The following ANO5 variants were observed in gnomAD, a reference collection of about 807,000 sequenced individuals.
ANO5 encodes the protein anoctamin-5.
In ANO5, 109 loss-of-function variants were observed where a neutral mutation model predicts 121.0. The observed-to-expected ratio is 0.90, with a 90% CI of 0.77 to 1.06. The LOEUF is 1.06. Ranked by LOEUF, ANO5 falls within the 50% of genes least tolerant of loss-of-function variation. The pLI is 0.00. For synonymous variants in ANO5, 406 were observed against 359.9 expected (o/e 1.13, Z -1.45); for missense variants, 1,064 against 1,078.5 (o/e 0.99, Z 0.19).
chr11:22,228,978 C>T (rs976780287), intron 7 of ANO5, among the ~76,000 whole-genome samples: 3 of 151,840 alleles, frequency 2.0e-5, no homozygotes, highest in Non-Finnish European at 2.9e-5. Flanking sequence ...TGATTTCATT[C>T]CCTTTAGGCA....
intron 16 of ANO5, 58 bp downstream of exon 16, chr11:22,262,356 T>C (rs1854218241): frequency 5.7e-6 from 9 of 1,569,298 alleles, no homozygotes; most frequent in African/African-American, 2.7e-5. Context: ...ATTAACAACT[T>C]TCTGTGTGTC....
In ANO5 at chr11:22,281,901, T is replaced by C. The variant is rs1855094358; in HGVS notation, c.*2136T>C. The C allele has an allele frequency of 6.6e-6, 1 of 152,164 alleles. No homozygotes were observed. The allele number at this position is 152,164 out of a possible 1,614,324, so 9.4% of individuals were successfully genotyped here. On this transcript the variant is annotated 3_prime_UTR_variant, in exon 22 of 22. Coordinates refer to ENST00000324559, the MANE Select transcript of ANO5 (RefSeq NM_213599.3). ...CCATGGATTGATAAATATTTTCCTT[T>C]TAAAATGTTATGGACTGATATTTTT...
At chr11:22,232,236 G>T (rs559935158) in intron 7 of ANO5, among the ~76,000 whole-genome samples, 5 of 151,884 alleles carry the variant, frequency 3.3e-5, no homozygotes, top group Non-Finnish European at 7.4e-5. Flanking sequence ...ATTTATTTGT[G>T]TATGTGTCAT....
rs11026488 is a variant in ANO5, at chr11:22,276,224, G to A, written c.2520+25G>A. On this transcript the variant is annotated intron_variant, in intron 21 of 21. Coordinates refer to ENST00000324559, the MANE Select transcript of ANO5 (RefSeq NM_213599.3). Reference sequence around the variant, plus strand: ...AGTAAGCTGTTCTTAACTTTCATTCGAGTTACTCTCTTCTCTCTTTAGGCA... The same window carrying A: ...AGTAAGCTGTTCTTAACTTTCATTCAAGTTACTCTCTTCTCTCTTTAGGCA... The A allele has an allele frequency of 2.3e-5, 36 of 1,541,054 alleles. No homozygotes were observed. The South Asian group carries it at 2.6e-4, about 11-fold the overall frequency.
intron 1 of ANO5, among the ~76,000 whole-genome samples, chr11:22,201,027 A>T (rs1029591978): frequency 3.3e-5 from 5 of 152,214 alleles, no homozygotes; most frequent in African/African-American, 1.2e-4. Context: ...GTATTTGCAT[A>T]TAACCTATGC....
At chr11:22,197,519 T>C (rs962178940) in intron 1 of ANO5, among the ~76,000 whole-genome samples, 2 of 152,182 alleles carry the variant, frequency 1.3e-5, no homozygotes, top group African/African-American at 4.8e-5. Flanking sequence ...AGATTAAAAC[T>C]TGAACGTTAG....
chr11:22,274,163 TACACACACAC>T (rs34022294), intron 19 of ANO5, among the ~76,000 whole-genome samples: 4 of 143,748 alleles, frequency 2.8e-5, no homozygotes, highest in East Asian at 2.0e-4. Flanking sequence ...GTTAATCTCT[TACACACACAC>T]ACACACACAC....
chr11:22,273,211 GAC>G (rs1048030388), intron 19 of ANO5, among the ~76,000 whole-genome samples: 5 of 152,238 alleles, frequency 3.3e-5, no homozygotes, highest in East Asian at 1.9e-4. Flanking sequence ...GAAGTATCAT[GAC>G]ACAGTTTCAC....
intron 4 of ANO5, 131 bp from the exon 5 acceptor site, chr11:22,220,964 CAA>C: frequency 1.5e-6 from 1 of 670,326 alleles, no homozygotes; most frequent in East Asian, 2.8e-5. Context: ...CTTTATAAAA[CAA>C]AGCATAATCT....
At chr11:22,235,056 G>A (rs1171477218) in intron 7 of ANO5, among the ~76,000 whole-genome samples, 1 of 152,090 alleles carries the variant, frequency 6.6e-6, no homozygotes, top group African/African-American at 2.4e-5. Context: ...CATTTCAGAT[G>A]TTTGCAGATC....
chr11:22,207,243 G>A (rs1852148460), intron 2 of ANO5, among the ~76,000 whole-genome samples: 1 of 151,954 alleles, frequency 6.6e-6, no homozygotes, highest in Non-Finnish European at 1.5e-5. Context: ...TAAAATGATT[G>A]TGAAAAAAAG....
intron 18 of ANO5, among the ~76,000 whole-genome samples, chr11:22,271,065 C>CTGTT (rs150687395): frequency 0.017 from 2,527 of 152,172 alleles, 67 homozygotes; most frequent in African/African-American, 0.057. Context: ...ATTAAGGAAA[C>CTGTT]TGTTTGAGAC....
In ANO5 at chr11:22,270,337, C is replaced by T. The variant is rs146341538; in HGVS notation, c.1924C>T (p.Arg642Ter). 7.4e-6 allele frequency: 12 copies of T among 1,614,044 alleles called. No homozygotes were observed. The highest frequency in any genetic ancestry group is 9.3e-6 in the Non-Finnish European group (11 of 1,180,000). Reference protein sequence around the residue: ...YPLALNWWRRRKARTNSEKLY... With the variant: ...YPLALNWWRR The stretch of plus-strand genomic sequence containing the variant: ...CTTGGCTTTGAATTGGTGGAGACGC[C>T]GAAAAGCTCGGACAAACTCTGAGAA... Residue 642 changes from arginine (R) to a stop codon, truncating the protein, a stop_gained, in exon 18 of 22, where the codon CGA (arginine) becomes TGA (stop). Transcript: ENST00000324559. LOFTEE classifies it high-confidence loss of function.
rs1403946332 is a variant in ANO5, at chr11:22,259,520, T to G, written c.1409T>G (p.Met470Arg). 6.2e-7 allele frequency: 1 copy of G among 1,613,830 alleles called. No homozygotes were observed. Residue 470 changes from methionine to arginine, a missense_variant and splice_region_variant, in exon 15 of 22, where the codon ATG becomes AGG. Met to Arg is a moderately conservative substitution (Grantham distance 91). Coordinates refer to ENST00000324559, the MANE Select transcript of ANO5 (RefSeq NM_213599.3). ...FLSGATVTLWMSLVVTSMVAV... is the reference protein window; with the variant it reads ...FLSGATVTLWRSLVVTSMVAV... The stretch of plus-strand genomic sequence containing the variant: ...CAGTTCTTTGTTTTCCTTTCCCAGA[T>G]GTCTCTTGTCGTCACCAGTATGGTA...
rs1401396375 is a variant in ANO5, at chr11:22,259,766, G to T, written c.1630+25G>T. 3.8e-6 allele frequency: 6 copies of T among 1,572,620 alleles called. No homozygotes were observed. In the South Asian group the frequency reaches 6.7e-5, roughly 18 times the overall value. ...GGTAAGCTGGCCAAATCATTTGTGT[G>T]ATTCTGAAGAATGATTCTTATTGAT... On this transcript the variant is annotated intron_variant, in intron 15 of 21. Coordinates refer to ENST00000324559, the MANE Select transcript of ANO5 (RefSeq NM_213599.3).
intron 7 of ANO5, among the ~76,000 whole-genome samples, chr11:22,228,025 T>A (rs1852905618): frequency 6.6e-6 from 1 of 152,066 alleles, no homozygotes; most frequent in Non-Finnish European, 1.5e-5. Context: ...CCTCAAAACT[T>A]TTTTTTCCCT....
chr11:22,193,418 A>G lies in ANO5; in HGVS notation c.-75A>G, dbSNP rs1470293423. 4.5e-6 allele frequency: 7 copies of G among 1,564,002 alleles called. No homozygotes were observed. The highest frequency in any genetic ancestry group is 6.1e-6 in the Non-Finnish European group (7 of 1,155,332). On this transcript the variant is annotated 5_prime_UTR_variant, in exon 1 of 22. Coordinates refer to ENST00000324559, the MANE Select transcript of ANO5 (RefSeq NM_213599.3). ...CACAGTCAGATTCAGCACCTGCCTC[A>G]GATCTCCACGTCTGTCTCAGCTGCC... is the stretch of plus-strand genomic sequence containing the variant.
chr11:22,238,690 C>A (rs1853320018), intron 8 of ANO5, among the ~76,000 whole-genome samples: 1 of 151,990 alleles, frequency 6.6e-6, no homozygotes, highest in African/African-American at 2.4e-5. Flanking sequence ...AACACCTTAT[C>A]ATATAAAGAT....
chr11:22,197,046 G>A (rs1590207563), intron 1 of ANO5, among the ~76,000 whole-genome samples: 1 of 152,120 alleles, frequency 6.6e-6, no homozygotes, highest in African/African-American at 2.4e-5. Flanking sequence ...ATATAGGTAA[G>A]CCTTGATTTT....
Sources: gnomAD v4.1 joint callset for allele counts (sites outside exome capture counted in the v4.1 genomes callset) on GRCh38, gnomAD v4.1.1 for gene constraint, MANE v1.5 for transcripts, NCBI Gene and HGNC (gene_info 2026-07-23, HGNC 2026-07-21) for gene names.